Variants in ALK observed in about 807,000 individuals in gnomAD.
The protein encoded by ALK is ALK receptor tyrosine kinase, also known as ALK tyrosine kinase receptor.
In ALK, 74 loss-of-function variants were observed where a neutral mutation model predicts 163.1. The ratio of observed to expected loss-of-function variants is 0.45; its 90% CI spans 0.38 to 0.55. The LOEUF is 0.55. ALK is among the 20% of genes least tolerant of loss of function. The pLI is 0.00. For missense variants in ALK, 2,063 were observed against 2,105.3 expected, an observed-to-expected ratio of 0.98 and a Z score of 0.39; for synonymous variants, 960 against 843.2, an observed-to-expected ratio of 1.14 and a Z score of -2.40.
chr2:29,365,361 G>A (rs1668478796), intron 5 of ALK, among the ~76,000 whole-genome samples: 1 of 152,202 alleles, frequency 6.6e-6, no homozygotes, highest in Admixed American at 6.5e-5. Context: ...TGAACAGATG[G>A]GATTAGGGCA....
At chr2:29,855,755 G>GC (rs1043445573) in intron 1 of ALK, among the ~76,000 whole-genome samples, 5 of 152,186 alleles carry the variant, frequency 3.3e-5, no homozygotes, top group African/African-American at 1.2e-4. Context: ...GTCTCCATAA[G>GC]CCCATGGCTT....
At chr2:29,287,285 A>G (rs114890712) in intron 9 of ALK, among the ~76,000 whole-genome samples, 29 of 152,206 alleles carry the variant, frequency 1.9e-4, no homozygotes, top group Non-Finnish European at 3.4e-4. Context: ...ATAGTCAAAA[A>G]TGAGCTCATA....
At chr2:29,739,137 C>T (rs1383426841) in intron 1 of ALK, among the ~76,000 whole-genome samples, 1 of 147,886 alleles carries the variant, frequency 6.8e-6, no homozygotes, top group Non-Finnish European at 1.5e-5. Flanking sequence ...TTCTCAGGAG[C>T]CTGAAGCAGG....
At chr2:29,594,867 T>C (rs1055071336) in intron 3 of ALK, among the ~76,000 whole-genome samples, 4 of 110,316 alleles carry the variant, frequency 3.6e-5, no homozygotes, top group Admixed American at 1.4e-4. Context: ...GCAGTGAAGC[T>C]GAGACCTCTA....
At chr2:29,702,907 C>G (rs1363650289) in intron 2 of ALK, among the ~76,000 whole-genome samples, 1 of 152,222 alleles carries the variant, frequency 6.6e-6, no homozygotes, top group Non-Finnish European at 1.5e-5. Flanking sequence ...AGCTACAATT[C>G]AAGATGTGAT....
intron 5 of ALK, among the ~76,000 whole-genome samples, chr2:29,357,045 A>G (rs529481199): frequency 1.6e-4 from 24 of 152,256 alleles, no homozygotes; most frequent in African/African-American, 5.8e-4. Flanking sequence ...CATCCAACTG[A>G]GTGCGAAGAT....
chr2:29,749,376 G>A (rs1680291439), intron 1 of ALK, among the ~76,000 whole-genome samples: 3 of 152,086 alleles, frequency 2.0e-5, no homozygotes, highest in South Asian at 4.1e-4. Flanking sequence ...AAATGCTTGG[G>A]GACACCAACC....
At position 29,920,722 on chromosome 2, in the gene ALK, G is replaced by T; in HGVS notation, c.-63C>A. 1 of 1,404,648 alleles carries T rather than the reference G, an allele frequency of 7.1e-7. No homozygotes were observed. The highest frequency in any genetic ancestry group is 9.7e-7 in the Non-Finnish European group (1 of 1,030,492). The allele number at this position is 1,404,648 out of a possible 1,614,324, so 87.0% of individuals were successfully genotyped here. A position where few individuals can be genotyped will look rare whatever the true frequency, so the allele number is the denominator to read the frequency against. ...CAGCCTCACCCTTCGCTCTCCCCGA[G>T]ATGGGAAGAGGCTCTGAACAGTCCT... On this transcript the variant is annotated 5_prime_UTR_variant, in exon 1 of 29. Transcript: ENST00000389048.
rs1448527132 is a variant in ALK, at chr2:29,239,705, T to G, written c.2330A>C (p.Gln777Pro). Reference protein sequence around the residue: ...KDDMLYILVGQQGEDACPSTN... With the variant: ...KDDMLYILVGPQGEDACPSTN... ...ACTGGGGCAGGCGTCCTCTCCCTGC[T>G]GCCCAACCAGGATGTACAGCATGTC... Residue 777 changes from glutamine to proline, a missense_variant, in exon 13 of 29, where the codon CAG becomes CCG. Physicochemically the swap from Gln to Pro is moderately conservative, Grantham distance 76 (BLOSUM62 -1). Transcript: ENST00000389048. 1.9e-6 allele frequency: 3 copies of G among 1,613,900 alleles called. No individual in the cohort carries two copies. Among genetic ancestry groups the G allele is most frequent in the Admixed American group, 3.3e-5 (2 of 60,006 alleles).
chr2:29,383,681 C>A (rs1248687110), intron 5 of ALK, 51 bp downstream of exon 5: 3 of 1,612,602 alleles, frequency 1.9e-6, no homozygotes, highest in African/African-American at 2.7e-5. Context: ...GTTATTGACA[C>A]ATCTAACACA....
At chr2:29,540,838 C>A (rs1321455624) in intron 3 of ALK, among the ~76,000 whole-genome samples, 1 of 152,036 alleles carries the variant, frequency 6.6e-6, no homozygotes, top group Non-Finnish European at 1.5e-5. Context: ...ACTTAAATAA[C>A]CTTCAAGAAA....
At chr2:29,635,521 T>A (rs528093895) in intron 3 of ALK, among the ~76,000 whole-genome samples, 9 of 152,164 alleles carry the variant, frequency 5.9e-5, no homozygotes, top group African/African-American at 2.2e-4. Flanking sequence ...AGGAAAGAAT[T>A]CTCCCCGAGA....
intron 5 of ALK, among the ~76,000 whole-genome samples, chr2:29,341,827 A>G (rs1573255858): frequency 6.6e-6 from 1 of 152,326 alleles, no homozygotes; most frequent in Non-Finnish European, 1.5e-5. Flanking sequence ...AGAGTCCCCT[A>G]TGAAAAGATG....
intron 3 of ALK, among the ~76,000 whole-genome samples, chr2:29,657,707 G>A (rs889766366): frequency 6.6e-6 from 1 of 152,040 alleles, no homozygotes; most frequent in Non-Finnish European, 1.5e-5. Context: ...ACTCCTCCAA[G>A]AAAGACAATG....
chr2:29,261,861 C>A (rs942947393), intron 11 of ALK, among the ~76,000 whole-genome samples: 3 of 152,136 alleles, frequency 2.0e-5, no homozygotes, highest in Admixed American at 2.0e-4. Context: ...TGGCCCTACC[C>A]CTCTTCATGT....
intron 12 of ALK, among the ~76,000 whole-genome samples, chr2:29,244,451 G>A (rs758872997): frequency 2.0e-5 from 3 of 152,198 alleles, no homozygotes; most frequent in Non-Finnish European, 4.4e-5. Flanking sequence ...CAATTGTGGA[G>A]GCAGGTGCTT....
intron 1 of ALK, among the ~76,000 whole-genome samples, chr2:29,810,830 G>A (rs1227231554): frequency 6.6e-6 from 1 of 152,104 alleles, no homozygotes; most frequent in Non-Finnish European, 1.5e-5. Context: ...GTCTTTAGGA[G>A]GGTATTTAAG....
chr2:29,366,629 C>A (rs931330572), intron 5 of ALK, among the ~76,000 whole-genome samples: 5 of 152,086 alleles, frequency 3.3e-5, no homozygotes, highest in African/African-American at 1.2e-4. Flanking sequence ...TGACCAGAGA[C>A]CAACATGGAG....
At chr2:29,900,645 G>C (rs1038341163) in intron 1 of ALK, among the ~76,000 whole-genome samples, 1 of 152,190 alleles carries the variant, frequency 6.6e-6, no homozygotes, top group Non-Finnish European at 1.5e-5. Context: ...GCAGTAACCA[G>C]CAAACATGGG....
Sources: allele counts gnomAD v4.1 joint callset (sites outside exome capture counted in the v4.1 genomes callset), GRCh38; gene constraint gnomAD v4.1.1; transcripts MANE v1.5; gene names NCBI Gene and HGNC (gene_info 2026-07-23, HGNC 2026-07-21).